Variants in SERPINB8 observed in about 807,000 individuals in gnomAD.
The protein encoded by SERPINB8 is serpin family B member 8.
SERPINB8 carries 25 observed loss-of-function variants against 35.3 expected under a neutral mutation model. The observed-to-expected ratio is 0.71, with a 90% CI of 0.52 to 0.99. The LOEUF (loss-of-function observed/expected upper bound fraction) is 0.99, where lower values mean the gene tolerates loss of function less well. Ranked by LOEUF, SERPINB8 falls within the 50% of genes least tolerant of loss-of-function variation. SERPINB8 has a pLI of 0.00. For missense variants in SERPINB8, 484 were observed against 446.5 expected (o/e 1.08, Z -0.76); for synonymous variants, 186 against 160.8 (o/e 1.16, Z -1.19).
intron 1 of SERPINB8, among the ~76,000 whole-genome samples, chr18:64,003,541 G>A (rs1170837667): frequency 1.3e-5 from 2 of 151,908 alleles, no homozygotes; most frequent in South Asian, 4.2e-4. Context: ...GTGTGTGTGT[G>A]TGTGTGTGTG....
At position 63,974,998 on chromosome 18, in the gene SERPINB8, G is replaced by C. The variant is rs2050558399; in HGVS notation, c.-10-3301G>C. On this transcript the variant is annotated intron_variant, in intron 1 of 6. Coordinates refer to ENST00000397985, the MANE Select transcript of SERPINB8 (RefSeq NM_002640.4). ...AAGATGGAAGAAATCAGAAGTAGCA[G>C]TTTGCAACTAAGAGCAGTTAAAATG... Among the ~76,000 whole-genome samples, 3 of 152,138 alleles carry C rather than the reference G, an allele frequency of 2.0e-5. No individual in the cohort carries two copies. In the South Asian group the frequency reaches 6.2e-4, roughly 31 times the overall value.
chr18:63,979,972 T>C (rs766992318), intron 3 of SERPINB8, 34 bp downstream of exon 3: 1 of 1,608,762 alleles, frequency 6.2e-7, no homozygotes. Flanking sequence ...GACAAAGAAA[T>C]TGAAAGTAAG....
rs188922358 is a variant in SERPINB8 at position 63,996,675 on chromosome 18, A to C, written c.71-8144A>C. ...CAAACAAAGACATTGCCAAATAAGG[A>C]CTAGGTGCTTGAGGACTGATGACTT... On this transcript the variant is annotated intron_variant, in intron 1 of 1. Transcript: ENST00000493661. 2.0e-5 allele frequency among the ~76,000 whole-genome samples: 3 copies of C among 152,330 alleles called. No homozygotes were observed. The East Asian group carries it at 5.8e-4, about 29-fold the overall frequency.
intron 1 of SERPINB8, among the ~76,000 whole-genome samples, chr18:63,973,444 C>T (rs1315193415): frequency 6.6e-6 from 1 of 152,148 alleles, no homozygotes; most frequent in Non-Finnish European, 1.5e-5. Context: ...TGTAGGTTGC[C>T]TGTTTACTCT....
chr18:63,986,559 A>G (rs1273160778), intron 6 of SERPINB8: 2 of 1,318,544 alleles, frequency 1.5e-6, no homozygotes, highest in East Asian at 6.0e-5. Flanking sequence ...AATGTAATGA[A>G]TTGGTTAGAA....
Position 63,986,708 on chromosome 18 carries a change from T to C in SERPINB8, c.721-166T>C, listed in dbSNP as rs1402158145. 5.0e-6 allele frequency: 7 copies of C among 1,408,630 alleles called. No homozygotes were observed. In the African/African-American group the frequency reaches 8.6e-5, roughly 17 times the overall value. The allele number at this position is 1,408,630 out of a possible 1,614,324, so 87.3% of individuals were successfully genotyped here. A position where few individuals can be genotyped will look rare whatever the true frequency, so the allele number is the denominator to read the frequency against. ...CCATAAAACTGTGAAAAGATGAAAA[T>C]TTGGGAGAAAATCTTGGTGTGTTTA... On this transcript the variant is annotated intron_variant, in intron 6 of 6. Transcript: ENST00000397985.
At chr18:63,978,145 ATG>A (rs1227838042) in intron 1 of SERPINB8, among the ~76,000 whole-genome samples, 152 bp from the exon 2 acceptor site, 1 of 152,214 alleles carries the variant, frequency 6.6e-6, no homozygotes, top group Non-Finnish European at 1.5e-5. Flanking sequence ...AGGGCAGATC[ATG>A]TAGTCACAGG....
chr18:63,999,159 G>A (rs2050863099), intron 1 of SERPINB8, among the ~76,000 whole-genome samples: 1 of 152,176 alleles, frequency 6.6e-6, no homozygotes, highest in Non-Finnish European at 1.5e-5. Flanking sequence ...TGGGTAGTCT[G>A]TGTGACTCTG....
At chr18:64,015,175 G>A (rs990090494) in intron 7 of SERPINB8, among the ~76,000 whole-genome samples, 2 of 152,016 alleles carry the variant, frequency 1.3e-5, no homozygotes, top group East Asian at 1.9e-4. Context: ...AGAGAGCATC[G>A]GCCTGCCCAG....
At chr18:63,992,372 T>C (rs1327313070), downstream of SERPINB8, among the ~76,000 whole-genome samples, 9 of 152,240 alleles carry the variant, frequency 5.9e-5, no homozygotes, top group Admixed American at 5.9e-4. Flanking sequence ...CATTTTCTAG[T>C]CATCAAATTT....
intron 1 of SERPINB8, among the ~76,000 whole-genome samples, chr18:64,003,519 ATGTGTGTGTGTGTGTG>A (rs61161137): frequency 2.0e-5 from 3 of 148,164 alleles, no homozygotes; most frequent in Admixed American, 6.7e-5. Flanking sequence ...TGAGGGACAA[ATGTGTGTGTGTGTGTG>A]TGTGTGTGTG....
chr18:64,002,612 C>A (rs979789924), intron 1 of SERPINB8, among the ~76,000 whole-genome samples: 4 of 152,296 alleles, frequency 2.6e-5, no homozygotes, highest in African/African-American at 9.6e-5. Context: ...GAGGCCAGTG[C>A]GCTCAAGCCA....
downstream of SERPINB8, among the ~76,000 whole-genome samples, chr18:64,008,675 TAGAG>T (rs1214221493): frequency 6.6e-6 from 1 of 152,116 alleles, no homozygotes; most frequent in Non-Finnish European, 1.5e-5. Flanking sequence ...TCACAAATAA[TAGAG>T]AATTATTAAA....
At chr18:63,971,090 C>T (rs369242689) in intron 1 of SERPINB8, among the ~76,000 whole-genome samples, 6 of 152,154 alleles carry the variant, frequency 3.9e-5, no homozygotes, top group African/African-American at 1.2e-4. Flanking sequence ...TCCCTGGGTC[C>T]ACTCGCAGGG....
intron 1 of SERPINB8, among the ~76,000 whole-genome samples, chr18:64,001,214 T>C (rs1321267096): frequency 6.6e-6 from 1 of 152,262 alleles, no homozygotes; most frequent in Non-Finnish European, 1.5e-5. Context: ...TGACAATCTC[T>C]GTTTTTTAAC....
chr18:63,992,113 T>C (rs926914623), downstream of SERPINB8, among the ~76,000 whole-genome samples: 1 of 152,250 alleles, frequency 6.6e-6, no homozygotes. Context: ...GTAATATCTT[T>C]GTCTCACTTT....
chr18:63,983,467 C>T lies in SERPINB8; in HGVS notation c.425-112C>T, dbSNP rs139122477. 5.7e-4 allele frequency: 556 copies of T among 979,968 alleles called. 4 individuals carry two copies. In the East Asian group the frequency reaches 0.013, roughly 23 times the overall value. The allele number at this position is 979,968 out of a possible 1,614,324, so 60.7% of individuals were successfully genotyped here. A position where few individuals can be genotyped will look rare whatever the true frequency, so the allele number is the denominator to read the frequency against. On this transcript the variant is annotated intron_variant, in intron 4 of 6. Transcript: ENST00000397985. ...CTAATTCATCAGGGGCCCAGAAAGACAGAACTCCAGCCTGTCTCTCAACCA... is the reference window on the plus strand; with the variant it reads ...CTAATTCATCAGGGGCCCAGAAAGATAGAACTCCAGCCTGTCTCTCAACCA...
chr18:63,975,800 A>G (rs1384021888), intron 1 of SERPINB8, among the ~76,000 whole-genome samples: 1 of 152,168 alleles, frequency 6.6e-6, no homozygotes, highest in Non-Finnish European at 1.5e-5. Context: ...GAGGAAGCAA[A>G]ACATCCAACA....
At chr18:63,980,780 C>T (rs1335895462) in intron 3 of SERPINB8, among the ~76,000 whole-genome samples, 1 of 152,182 alleles carries the variant, frequency 6.6e-6, no homozygotes, top group Non-Finnish European at 1.5e-5. Context: ...GGCTTGGCTC[C>T]TCCTTCCCTC....
Sources: allele counts gnomAD v4.1 joint callset (sites outside exome capture counted in the v4.1 genomes callset), GRCh38; gene constraint gnomAD v4.1.1; transcripts MANE v1.5; gene names NCBI Gene and HGNC (gene_info 2026-07-23, HGNC 2026-07-21).